FGF8: variants seen among roughly 807,000 people sequenced by gnomAD.
FGF8 encodes the protein fibroblast growth factor 8.
Under a neutral mutation model 29.7 loss-of-function variants are expected in FGF8, and 12 were observed. That is an observed-to-expected ratio of 0.40 (90% CI 0.26 to 0.65). The LOEUF (loss-of-function observed/expected upper bound fraction) is 0.65, where lower values mean the gene tolerates loss of function less well. FGF8 is among the 30% of genes least tolerant of loss of function. The pLI is 0.37. For synonymous variants in FGF8, 157 were observed against 144.4 expected (o/e 1.09, Z -0.63); for missense variants, 271 against 345.1 (o/e 0.79, Z 1.70).
upstream of FGF8, among the ~76,000 whole-genome samples, chr10:101,778,478 A>G (rs986927057): frequency 3.3e-5 from 5 of 152,198 alleles, no homozygotes; most frequent in African/African-American, 4.8e-5. Context: ...TTGACCCTCA[A>G]TGGTCTTCAG....
At position 101,775,461 on chromosome 10, in the gene FGF8, T is replaced by C. The variant is rs1208679007; in HGVS notation, c.70-245A>G. ...TGCCCCCTTCCTCGGCGGCTGGGTG[T>C]TCCCTATGCCCCCAGCCGGCGAGGA... On this transcript the variant is annotated intron_variant, in intron 2 of 5. Transcript: ENST00000320185. The surrounding 1 kb of genome is among the most constrained non-coding windows in gnomAD (Gnocchi z 4.6). 2 of 602,878 alleles carry C rather than the reference T, an allele frequency of 3.3e-6. No individual in the cohort carries two copies. The highest frequency in any genetic ancestry group is 2.9e-5 in the Admixed American group (1 of 34,116). The allele number at this position is 602,878 out of a possible 1,614,324, so 37.3% of individuals were successfully genotyped here. A position where few individuals can be genotyped will look rare whatever the true frequency, so the allele number is the denominator to read the frequency against.
upstream of FGF8, among the ~76,000 whole-genome samples, chr10:101,779,203 CCGACGCG>C (rs1342677906): frequency 6.6e-6 from 1 of 152,176 alleles, no homozygotes; most frequent in Non-Finnish European, 1.5e-5. This position sits in a 1 kb window ranked among gnomAD's most constrained non-coding sequence, Gnocchi z 5.7. Context: ...GCAGCTCGCT[CCGACGCG>C]CGCTTCCTGC....
upstream of FGF8, among the ~76,000 whole-genome samples, chr10:101,776,284 C>A (rs1184373156): frequency 8.8e-6 from 1 of 113,944 alleles, no homozygotes; most frequent in Non-Finnish European, 1.8e-5. Flanking sequence ...CTGGATGCAG[C>A]CCGGGGCGGG....
intron 4 of FGF8, 148 bp downstream of exon 4, chr10:101,774,584 C>T (rs1467108733): frequency 3.0e-6 from 2 of 670,424 alleles, no homozygotes; most frequent in Non-Finnish European, 5.1e-6. Flanking sequence ...CTTCCCTAGC[C>T]CTCTCTTCCC....
In FGF8 at chr10:101,771,273, A is replaced by G. The variant is rs377470212; in HGVS notation, c.444+190T>C. ...CTTCATTCTTCCTCCTTCGCCTTTTATAGTTTTCATCTCTCAAACAGCTTC... is the reference window on the plus strand; with the variant it reads ...CTTCATTCTTCCTCCTTCGCCTTTTGTAGTTTTCATCTCTCAAACAGCTTC... On this transcript the variant is annotated intron_variant, in intron 5 of 5. Transcript: ENST00000320185. This position sits in a 1 kb window ranked among gnomAD's most constrained non-coding sequence, Gnocchi z 5.3. Among the ~76,000 whole-genome samples, 2 of 151,930 alleles carry G rather than the reference A, an allele frequency of 1.3e-5. No individual in the cohort carries two copies. The highest frequency in any genetic ancestry group is 1.9e-4 in the East Asian group (1 of 5,158).
rs2135000146 is a variant in FGF8 at position 101,775,015 on chromosome 10, C to A, written c.157-103G>T. On this transcript the variant is annotated intron_variant, in intron 3 of 5. Coordinates refer to ENST00000320185, the MANE Select transcript of FGF8 (RefSeq NM_033163.5). The surrounding 1 kb of genome is among the most constrained non-coding windows in gnomAD (Gnocchi z 4.6). ...GCGTCCCCCTCACTGCCCCAAGCCG[C>A]CAGCAGGTGCTGGGGGTTCCCCCAA... The A allele has an allele frequency of 2.6e-6, 4 of 1,518,802 alleles. No homozygotes were observed. Among genetic ancestry groups the A allele is most frequent in the Middle Eastern group, 1.8e-4 (1 of 5,500 alleles). The allele number at this position is 1,518,802 out of a possible 1,614,324, so 94.1% of individuals were successfully genotyped here.
chr10:101,771,597 T>C lies in FGF8; in HGVS notation c.338-28A>G, dbSNP rs754385999. On this transcript the variant is annotated intron_variant, in intron 4 of 5. Coordinates refer to ENST00000320185, the MANE Select transcript of FGF8 (RefSeq NM_033163.5). The surrounding 1 kb of genome is among the most constrained non-coding windows in gnomAD (Gnocchi z 5.3). ...GTCAGAGAAGGTAGCAGGATGGCTA[T>C]TGGCAGATCCCTGACCCCAGCTGGC... is the stretch of plus-strand genomic sequence containing the variant. 3.2e-6 allele frequency: 5 copies of C among 1,579,556 alleles called. No homozygotes were observed. The highest frequency in any genetic ancestry group is 1.1e-5 in the South Asian group (1 of 90,364).
rs1293627483 is a variant in FGF8 at position 101,770,381 on chromosome 10, A to C, written c.683T>G (p.Phe228Cys). 1.2e-5 allele frequency: 20 copies of C among 1,603,942 alleles called. No homozygotes were observed. The highest frequency in any genetic ancestry group is 1.7e-5 in the Non-Finnish European group (20 of 1,176,462). Residue 228 changes from phenylalanine to cysteine, a missense_variant, in exon 6 of 6, where the codon TTC becomes TGC. Around this residue, in one of 3 missense-constraint regions of FGF8, gnomAD observed 62 missense variants for 58.1 expected, o/e 1.07. Transcript: ENST00000320185. ...LRFEFLNYPP[F>C]TRSLRGSQRT... is the part of the protein sequence containing the mutation. ...CTGGCTGCCGCGCAGGCTGCGCGTGAAGGGCGGGTAGTTGAGGAACTCGAA... is the reference window on the plus strand; with the variant it reads ...CTGGCTGCCGCGCAGGCTGCGCGTGCAGGGCGGGTAGTTGAGGAACTCGAA...
chr10:101,773,737 A>T (rs374659115), intron 4 of FGF8, among the ~76,000 whole-genome samples: 2 of 152,296 alleles, frequency 1.3e-5, no homozygotes, highest in East Asian at 3.9e-4. Context: ...ATGTTAAAAA[A>T]GGTGAAAGTA....
chr10:101,771,655 T>G lies in FGF8; in HGVS notation c.338-86A>C. On this transcript the variant is annotated intron_variant, in intron 4 of 5. Coordinates refer to ENST00000320185, the MANE Select transcript of FGF8 (RefSeq NM_033163.5). The surrounding 1 kb of genome is among the most constrained non-coding windows in gnomAD (Gnocchi z 5.3). ...CTTGTCACAGCCCAGCAGCAACTGC[T>G]CCAAAGACCAGGAACCCAAAACATG... 1.9e-6 allele frequency: 2 copies of G among 1,070,670 alleles called. No homozygotes were observed. 66.3% of individuals were successfully genotyped at this position (1,070,670 alleles called of 1,614,324 possible).
chr10:101,774,337 G>A (rs1455550195), intron 4 of FGF8, among the ~76,000 whole-genome samples: 2 of 152,142 alleles, frequency 1.3e-5, no homozygotes, highest in Non-Finnish European at 2.9e-5. Flanking sequence ...TTTCCAACTG[G>A]GAGAGTTGAG....
chr10:101,777,535 C>T (rs1010812994), upstream of FGF8, among the ~76,000 whole-genome samples: 9 of 152,248 alleles, frequency 5.9e-5, no homozygotes, highest in Non-Finnish European at 1.0e-4. Flanking sequence ...AATGCAAACA[C>T]TGAGCAATGG....
rs1352466750 is a variant in FGF8, at chr10:101,773,037, G to A, written c.338-1468C>T. ...AAGTAGGTGCCTCTGCATCTTCCTG[G>A]GGCCGGTAAAGAAGCCATTGAGACC... On this transcript the variant is annotated intron_variant, in intron 4 of 5. Transcript: ENST00000320185. Among the ~76,000 whole-genome samples the A allele has an allele frequency of 2.6e-5, 4 of 152,152 alleles. No homozygotes were observed. The East Asian group carries it at 5.8e-4, about 22-fold the overall frequency.
At chr10:101,778,505 GC>G (rs1237986485), upstream of FGF8, among the ~76,000 whole-genome samples, 1 of 152,234 alleles carries the variant, frequency 6.6e-6, no homozygotes, top group African/African-American at 2.4e-5. Flanking sequence ...TTCTTCCTCT[GC>G]CCCAGAGAAG....
chr10:101,776,775 G>C (rs1439968271), upstream of FGF8, among the ~76,000 whole-genome samples: 1 of 151,632 alleles, frequency 6.6e-6, no homozygotes, highest in Non-Finnish European at 1.5e-5. Flanking sequence ...TCACTCTCCC[G>C]AGGAGGCCCT....
At chr10:101,774,953 C>T in intron 3 of FGF8, 41 bp from the exon 4 acceptor site, 1 of 1,606,684 alleles carries the variant, frequency 6.2e-7, no homozygotes, top group Non-Finnish European at 8.5e-7. Context: ...CATTATAATG[C>T]TACTCCGCCC....
chr10:101,774,301 T>C (rs1213291183), intron 4 of FGF8, among the ~76,000 whole-genome samples: 3 of 152,148 alleles, frequency 2.0e-5, no homozygotes, highest in African/African-American at 7.2e-5. Flanking sequence ...CCGATTAAAG[T>C]ATTTAAGGGT....
chr10:101,772,801 C>T lies in FGF8; in HGVS notation c.338-1232G>A, dbSNP rs1006635941. Among the ~76,000 whole-genome samples the T allele has an allele frequency of 1.3e-5, 2 of 152,160 alleles. No individual in the cohort carries two copies. Among genetic ancestry groups the T allele is most frequent in the Admixed American group, 1.3e-4 (2 of 15,282 alleles). ...CTCAGTGCTGGGACCAGTGGCCAAG[C>T]CCCCGGTTTGGCCCCAAGTCAGCAG... On this transcript the variant is annotated intron_variant, in intron 4 of 5. Transcript: ENST00000320185. The surrounding 1 kb of genome is among the most constrained non-coding windows in gnomAD (Gnocchi z 4.4).
At chr10:101,779,218 T>C (rs1190100038), upstream of FGF8, among the ~76,000 whole-genome samples, 1 of 152,158 alleles carries the variant, frequency 6.6e-6, no homozygotes, top group African/African-American at 2.4e-5. The surrounding 1 kb of genome is among the most constrained non-coding windows in gnomAD (Gnocchi z 5.7). Flanking sequence ...GCGCGCTTCC[T>C]GCGCCGGGCG....
Sources: gnomAD v4.1 joint callset for allele counts (sites outside exome capture counted in the v4.1 genomes callset) on GRCh38, gnomAD v4.1.1 for gene constraint, gnomAD v4.1.1 regional missense constraint, Gnocchi (gnomAD v3.1) non-coding constraint, MANE v1.5 for transcripts, NCBI Gene and HGNC (gene_info 2026-07-23, HGNC 2026-07-21) for gene names.